The following NME7 variants were observed in gnomAD, a reference collection of about 807,000 sequenced individuals.
NME7 encodes the protein nucleoside diphosphate kinase 7.
A neutral mutation model predicts 49.1 loss-of-function variants in NME7; 41 were observed. The observed-to-expected ratio is 0.83, with a 90% confidence interval of 0.65 to 1.08. NME7 has a LOEUF of 1.08. Ranked by LOEUF, NME7 falls within the 50% of genes least tolerant of loss-of-function variation. The pLI is 0.00. For synonymous variants in NME7, 139 were observed against 150.6 expected (o/e 0.92, Z 0.56); for missense variants, 423 against 463.4 (o/e 0.91, Z 0.80).
chr1:169,221,131 AG>A (rs914567939), intron 10 of NME7, among the ~76,000 whole-genome samples: 3 of 152,300 alleles, frequency 2.0e-5, no homozygotes, highest in Admixed American at 1.3e-4. Flanking sequence ...TAAGATAAAG[AG>A]AAAAAAGGTA....
intron 1 of NME7, among the ~76,000 whole-genome samples, chr1:169,358,915 A>G (rs1653555187): frequency 1.3e-5 from 2 of 152,246 alleles, no homozygotes; most frequent in South Asian, 4.1e-4. Context: ...TTCCTTTTTA[A>G]TTTATTGTAA....
chr1:169,172,299 C>A (rs949941928), intron 10 of NME7, among the ~76,000 whole-genome samples: 247 of 149,092 alleles, frequency 1.7e-3, no homozygotes, highest in Non-Finnish European at 2.9e-3. Flanking sequence ...AAAAAAAAAA[C>A]AAACCCACAA....
In NME7 at chr1:169,312,804, T is replaced by C. The variant is rs531297532; in HGVS notation, c.279-2724A>G. Among the ~76,000 whole-genome samples the C allele has an allele frequency of 2.9e-3, 439 of 152,306 alleles. 1 individual carries two copies. Among genetic ancestry groups the C allele is most frequent in the Non-Finnish European group, 5.0e-3 (343 of 68,020 alleles). The stretch of plus-strand genomic sequence containing the variant: ...GTACAGTGCTATTAAACATCTTAGA[T>C]AGTGCAGTGCTATGGACTCTTTAAA... On this transcript the variant is annotated intron_variant, in intron 3 of 11. Coordinates refer to ENST00000367811, the MANE Select transcript of NME7 (RefSeq NM_013330.5).
At chr1:169,159,460 A>T (rs1228201756) in intron 11 of NME7, among the ~76,000 whole-genome samples, 1 of 152,214 alleles carries the variant, frequency 6.6e-6, no homozygotes, top group Non-Finnish European at 1.5e-5. Flanking sequence ...AAAATTAATT[A>T]TTAATTTGTC....
intron 7 of NME7, among the ~76,000 whole-genome samples, chr1:169,250,106 A>AT (rs565815105): frequency 4.7e-5 from 7 of 150,192 alleles, no homozygotes; most frequent in East Asian, 3.9e-4. Flanking sequence ...GCCCCAAGCT[A>AT]TTTTTTTTTC....
intron 10 of NME7, among the ~76,000 whole-genome samples, chr1:169,177,197 G>A (rs17349439): frequency 0.24 from 36,817 of 151,894 alleles, 5,444 homozygotes; most frequent in Non-Finnish European, 0.34. Context: ...TAATGAAATA[G>A]CTGGGACCCA....
intron 1 of NME7, among the ~76,000 whole-genome samples, chr1:169,349,020 T>TA (rs34870158): frequency 0.043 from 6,569 of 152,186 alleles, 204 homozygotes; most frequent in East Asian, 0.12. Flanking sequence ...TTGGGTATTT[T>TA]AAAAAACTGA....
chr1:169,367,728 A>G lies in NME7; in HGVS notation c.-18T>C, dbSNP rs751659915. The G allele has an allele frequency of 2.5e-6, 4 of 1,614,016 alleles. No individual in the cohort carries two copies. The highest frequency in any genetic ancestry group is 3.4e-6 in the Non-Finnish European group (4 of 1,180,000). Reference sequence around the variant, plus strand: ...CTCACCATTGTCTCAGGATCTCAGCACTAGAAAATAGGTATCGTTGAGACA... The same window carrying G: ...CTCACCATTGTCTCAGGATCTCAGCGCTAGAAAATAGGTATCGTTGAGACA... On this transcript the variant is annotated 5_prime_UTR_variant, in exon 1 of 12. Transcript: ENST00000367811.
chr1:169,133,177 G>A (rs765923705), intron 11 of NME7, among the ~76,000 whole-genome samples: 9 of 152,078 alleles, frequency 5.9e-5, no homozygotes, highest in Non-Finnish European at 1.2e-4. Flanking sequence ...TTGCTTTTTG[G>A]TTCAGGGATT....
At chr1:169,204,728 G>A (rs756827617) in intron 10 of NME7, among the ~76,000 whole-genome samples, 1 of 151,922 alleles carries the variant, frequency 6.6e-6, no homozygotes, top group Non-Finnish European at 1.5e-5. Context: ...GCCATTGTCT[G>A]TAAACTTATC....
At chr1:169,277,782 T>C (rs1314617447) in intron 7 of NME7, among the ~76,000 whole-genome samples, 12 of 127,194 alleles carry the variant, frequency 9.4e-5, no homozygotes, top group African/African-American at 3.1e-4. Flanking sequence ...TTCCTAGTCT[T>C]GATGGTCTTT....
chr1:169,278,959 T>C (rs1481805137), intron 7 of NME7, among the ~76,000 whole-genome samples: 1 of 152,184 alleles, frequency 6.6e-6, no homozygotes, highest in Non-Finnish European at 1.5e-5. Context: ...CTCCAGACCC[T>C]GTTTGCCTGG....
intron 7 of NME7, among the ~76,000 whole-genome samples, chr1:169,277,196 A>G (rs2101882313): frequency 6.7e-6 from 1 of 149,300 alleles, no homozygotes; most frequent in East Asian, 2.1e-4. Context: ...GTAGATGTCT[A>G]TTAGGTCCGC....
At chr1:169,258,442 C>CACAT (rs1558011671) in intron 7 of NME7, among the ~76,000 whole-genome samples, 1 of 104,806 alleles carries the variant, frequency 9.5e-6, no homozygotes, top group African/African-American at 3.7e-5. Flanking sequence ...ACACATATAT[C>CACAT]TTCTCATTCT....
intron 7 of NME7, among the ~76,000 whole-genome samples, chr1:169,254,779 G>C (rs1648836469): frequency 7.1e-6 from 1 of 140,092 alleles, no homozygotes; most frequent in African/African-American, 2.5e-5. Flanking sequence ...GTTCTCGTTG[G>C]TTTCAAAGAA....
At chr1:169,327,121 C>T (rs1025889946) in intron 1 of NME7, among the ~76,000 whole-genome samples, 10 of 152,136 alleles carry the variant, frequency 6.6e-5, no homozygotes, top group African/African-American at 2.4e-4. Flanking sequence ...ATATCACTAG[C>T]CTTCCAGGGC....
At chr1:169,263,913 C>A (rs1649238297) in intron 7 of NME7, among the ~76,000 whole-genome samples, 1 of 133,300 alleles carries the variant, frequency 7.5e-6, no homozygotes, top group Admixed American at 7.4e-5. Context: ...CAGCAGAAAC[C>A]CTACAAGCCA....
intron 5 of NME7, among the ~76,000 whole-genome samples, chr1:169,300,195 C>G (rs535129139): frequency 1.8e-4 from 27 of 152,190 alleles, no homozygotes; most frequent in Non-Finnish European, 3.2e-4. Flanking sequence ...GCATGCAAAT[C>G]ACACATAAAT....
intron 4 of NME7, among the ~76,000 whole-genome samples, chr1:169,304,504 C>T (rs1651098647): frequency 6.6e-6 from 1 of 152,012 alleles, no homozygotes; most frequent in South Asian, 2.1e-4. Context: ...ATTCATTTGG[C>T]TATGAAGAGA....
Sources: gnomAD v4.1 joint callset for allele counts (sites outside exome capture counted in the v4.1 genomes callset) on GRCh38, gnomAD v4.1.1 for gene constraint, MANE v1.5 for transcripts, NCBI Gene and HGNC (gene_info 2026-07-23, HGNC 2026-07-21) for gene names.